GABRB1: variants seen among roughly 807,000 people sequenced by gnomAD.
The protein encoded by GABRB1 is gamma-aminobutyric acid type A receptor subunit beta1, also known as gamma-aminobutyric acid receptor subunit beta-1.
A neutral mutation model predicts 51.6 loss-of-function variants in GABRB1; 17 were observed. The observed-to-expected ratio is 0.33, with a 90% CI of 0.23 to 0.49. GABRB1 has a LOEUF of 0.49. Among genes scored for constraint, GABRB1 ranks in the 20% least tolerant of loss-of-function variants. The pLI is 0.99. For synonymous variants in GABRB1, 247 were observed against 218.9 expected, an observed-to-expected ratio of 1.13 and a Z score of -1.14; for missense variants, 410 against 600.6, an observed-to-expected ratio of 0.68 and a Z score of 3.32.
intron 8 of GABRB1, among the ~76,000 whole-genome samples, chr4:47,414,265 C>T (rs922397036): frequency 2.6e-5 from 4 of 152,096 alleles, no homozygotes; most frequent in Non-Finnish European, 4.4e-5. Flanking sequence ...CAGGAGGTCC[C>T]GTCGACATGT....
At position 47,150,213 on chromosome 4, in the gene GABRB1, A is replaced by G. The variant is rs919655113; in HGVS notation, c.241-11036A>G. On this transcript the variant is annotated intron_variant, in intron 3 of 8. Transcript: ENST00000295454. ...CACACACACACACACACACACACAC[A>G]CACGCACACAGTTATTTCATTTTGC... Among the ~76,000 whole-genome samples the G allele has an allele frequency of 6.1e-5, 9 of 146,710 alleles. No homozygotes were observed. The South Asian group carries it at 6.7e-4, about 11-fold the overall frequency.
chr4:47,186,548 C>T (rs142178087), intron 4 of GABRB1, among the ~76,000 whole-genome samples: 1 of 151,942 alleles, frequency 6.6e-6, no homozygotes, highest in East Asian at 1.9e-4. Context: ...ATGGCCCATG[C>T]ACTTTCCAGG....
chr4:47,254,900 A>C (rs62303992), intron 4 of GABRB1, among the ~76,000 whole-genome samples: 31,216 of 152,126 alleles, frequency 0.21, 3,361 homozygotes, highest in East Asian at 0.25. Context: ...GTTTTAATGA[A>C]CTAGTTGGTC....
chr4:47,380,898 T>C (rs1016270266), intron 5 of GABRB1, among the ~76,000 whole-genome samples: 1 of 152,222 alleles, frequency 6.6e-6, no homozygotes, highest in African/African-American at 2.4e-5. Context: ...TGATTTTATT[T>C]TAGACTCTAT....
At chr4:47,019,578 C>CTCTCTCTCT (rs1453751115) in intron 1 of GABRB1, among the ~76,000 whole-genome samples, 1 of 100,058 alleles carries the variant, frequency 1.0e-5, no homozygotes, top group African/African-American at 4.3e-5. Flanking sequence ...TCTCTCTCTC[C>CTCTCTCTCT]CTCCTTCCTC....
At chr4:47,195,494 G>A (rs936177332) in intron 4 of GABRB1, among the ~76,000 whole-genome samples, 1 of 110,282 alleles carries the variant, frequency 9.1e-6, no homozygotes, top group East Asian at 2.4e-4. Flanking sequence ...TAGATAGATA[G>A]ATAGATAGAT....
intron 1 of GABRB1, among the ~76,000 whole-genome samples, chr4:47,010,892 G>C (rs1193874017): frequency 1.3e-5 from 2 of 152,080 alleles, no homozygotes; most frequent in Non-Finnish European, 2.9e-5. Context: ...CTGGAACATA[G>C]TTAGCACTAA....
At chr4:47,210,956 A>G (rs1720329334) in intron 4 of GABRB1, among the ~76,000 whole-genome samples, 1 of 152,178 alleles carries the variant, frequency 6.6e-6, no homozygotes, top group African/African-American at 2.4e-5. Context: ...GAAAACAAAG[A>G]CATTCTGAGA....
chr4:47,386,799 C>G (rs1316073571), intron 5 of GABRB1, among the ~76,000 whole-genome samples: 2 of 152,090 alleles, frequency 1.3e-5, no homozygotes, highest in African/African-American at 4.8e-5. Context: ...TATAGTAACC[C>G]CACATTCTGT....
chr4:47,115,845 C>T (rs1715456170), intron 3 of GABRB1, among the ~76,000 whole-genome samples: 1 of 151,962 alleles, frequency 6.6e-6, no homozygotes, highest in Admixed American at 6.6e-5. Context: ...ATATTCAATC[C>T]AATTTTACAT....
chr4:47,293,530 T>C (rs1038575918), intron 4 of GABRB1, among the ~76,000 whole-genome samples: 6 of 152,120 alleles, frequency 3.9e-5, no homozygotes, highest in Non-Finnish European at 8.8e-5. Context: ...AAATAAAAAA[T>C]AGTTTTAAAT....
chr4:47,149,586 G>A (rs1236764739), intron 3 of GABRB1, among the ~76,000 whole-genome samples: 1 of 151,954 alleles, frequency 6.6e-6, no homozygotes, highest in Non-Finnish European at 1.5e-5. Flanking sequence ...CAAAGACTTA[G>A]TTGATAGCTC....
At chr4:47,251,879 G>C (rs867070759) in intron 4 of GABRB1, among the ~76,000 whole-genome samples, 1 of 152,104 alleles carries the variant, frequency 6.6e-6, no homozygotes, top group East Asian at 1.9e-4. Context: ...GGCAGTGGGC[G>C]AGCCAGACTT....
At chr4:47,370,634 A>G (rs889493599) in intron 5 of GABRB1, among the ~76,000 whole-genome samples, 9 of 152,314 alleles carry the variant, frequency 5.9e-5, no homozygotes, top group Admixed American at 5.2e-4. Context: ...GTTTCTGTGT[A>G]ATTGCTATGA....
At chr4:47,335,261 T>TTA (rs149691989) in intron 5 of GABRB1, among the ~76,000 whole-genome samples, 4,942 of 151,252 alleles carry the variant, frequency 0.033, 301 homozygotes, top group African/African-American at 0.11. Context: ...CAGTATCCAG[T>TTA]TATATATATA....
intron 2 of GABRB1, 128 bp downstream of exon 2, chr4:47,032,133 C>G (rs1344557962): frequency 2.2e-4 from 139 of 631,282 alleles, no homozygotes; most frequent in Middle Eastern, 1.2e-3. Context: ...CCTGGGCACA[C>G]ACACACACAC....
intron 3 of GABRB1, among the ~76,000 whole-genome samples, chr4:47,137,492 A>G (rs1440468315): frequency 6.6e-6 from 1 of 152,146 alleles, no homozygotes; most frequent in African/African-American, 2.4e-5. Flanking sequence ...CTGTCCACCT[A>G]ATACAGATGT....
intron 3 of GABRB1, among the ~76,000 whole-genome samples, chr4:47,089,763 C>G (rs1417184197): frequency 1.3e-5 from 2 of 151,776 alleles, no homozygotes; most frequent in Non-Finnish European, 2.9e-5. Flanking sequence ...AATATATATG[C>G]CATGGTTATC....
intron 4 of GABRB1, among the ~76,000 whole-genome samples, chr4:47,304,266 G>A (rs1724368889): frequency 6.6e-6 from 1 of 151,956 alleles, no homozygotes; most frequent in Non-Finnish European, 1.5e-5. Context: ...CCAACAGTGT[G>A]CTAGGCTTCT....
Sources: allele counts gnomAD v4.1 joint callset (sites outside exome capture counted in the v4.1 genomes callset), GRCh38; gene constraint gnomAD v4.1.1; transcripts MANE v1.5; gene names NCBI Gene and HGNC (gene_info 2026-07-23, HGNC 2026-07-21).